The following TRABD2B variants were observed in gnomAD, a reference collection of about 807,000 sequenced individuals.
TRABD2B encodes metalloprotease TIKI2.
A neutral mutation model predicts 40.1 loss-of-function variants in TRABD2B; 14 were observed. That is an observed-to-expected ratio of 0.35 (90% CI 0.23 to 0.55). TRABD2B has a LOEUF of 0.55. Among genes scored for constraint, TRABD2B ranks in the 20% least tolerant of loss-of-function variants. The pLI is 0.90. For synonymous variants in TRABD2B, 263 were observed against 277.0 expected (o/e 0.95, Z 0.50); for missense variants, 541 against 648.6 (o/e 0.83, Z 1.80).
intron 2 of TRABD2B, among the ~76,000 whole-genome samples, chr1:47,804,305 A>C (rs1199690983): frequency 6.6e-6 from 1 of 152,252 alleles, no homozygotes; most frequent in African/African-American, 2.4e-5. Context: ...GATGGATCAC[A>C]GGAGGCAGTG....
chr1:47,843,580 C>T (rs576536510), intron 2 of TRABD2B, among the ~76,000 whole-genome samples: 27 of 152,050 alleles, frequency 1.8e-4, no homozygotes, highest in Non-Finnish European at 3.5e-4. Context: ...TGGAGTTATA[C>T]ATTTGGGAGA....
chr1:47,840,511 A>G (rs1645381956), intron 2 of TRABD2B, among the ~76,000 whole-genome samples: 1 of 152,314 alleles, frequency 6.6e-6, no homozygotes, highest in Non-Finnish European at 1.5e-5. Context: ...GGTCCACAGC[A>G]TTCTTTAGAG....
chr1:47,961,276 C>T (rs1377561694), intron 2 of TRABD2B, among the ~76,000 whole-genome samples: 1 of 152,196 alleles, frequency 6.6e-6, no homozygotes, highest in Non-Finnish European at 1.5e-5. Context: ...AAAACCTACG[C>T]AATACCATTC....
At chr1:47,854,420 C>T (rs144030379) in intron 2 of TRABD2B, among the ~76,000 whole-genome samples, 8 of 152,220 alleles carry the variant, frequency 5.3e-5, no homozygotes, top group East Asian at 1.9e-4. Context: ...ATGCTTCAGG[C>T]GTCTGAATTA....
At chr1:47,768,079 C>T (rs3850881) in intron 6 of TRABD2B, among the ~76,000 whole-genome samples, 82,178 of 152,056 alleles carry the variant, frequency 0.54, 22,669 homozygotes, top group East Asian at 0.84. Flanking sequence ...CCTGGCTTGA[C>T]GTATGTCATT....
At chr1:47,821,766 G>GCCCTGGAAT (rs1271704131) in intron 2 of TRABD2B, among the ~76,000 whole-genome samples, 1 of 152,120 alleles carries the variant, frequency 6.6e-6, no homozygotes, top group Non-Finnish European at 1.5e-5. Flanking sequence ...ACCAGTGTCA[G>GCCCTGGAAT]CCAGTCCTTC....
At chr1:47,877,255 G>C (rs1391892486) in intron 2 of TRABD2B, among the ~76,000 whole-genome samples, 1 of 152,014 alleles carries the variant, frequency 6.6e-6, no homozygotes, top group Non-Finnish European at 1.5e-5. Context: ...AGCCTGTTAA[G>C]GCTGTTGGGA....
intron 2 of TRABD2B, among the ~76,000 whole-genome samples, chr1:47,866,801 G>A (rs531257122): frequency 6.6e-6 from 1 of 152,272 alleles, no homozygotes; most frequent in East Asian, 1.9e-4. Flanking sequence ...GTCCAAGCCT[G>A]TTATTCCCTG....
chr1:47,806,623 C>T (rs1006671395), intron 2 of TRABD2B, among the ~76,000 whole-genome samples: 3 of 152,206 alleles, frequency 2.0e-5, no homozygotes, highest in Admixed American at 6.5e-5. Flanking sequence ...ACTCCCCTCA[C>T]CAACGCTGGC....
At chr1:47,846,683 G>A (rs751445308) in intron 2 of TRABD2B, among the ~76,000 whole-genome samples, 10 of 152,166 alleles carry the variant, frequency 6.6e-5, no homozygotes, top group Admixed American at 2.6e-4. Flanking sequence ...ACTGAGTCCT[G>A]TAGACGAAAC....
intron 2 of TRABD2B, among the ~76,000 whole-genome samples, chr1:47,945,668 T>A (rs1040217503): frequency 6.6e-6 from 1 of 152,244 alleles, no homozygotes; most frequent in Non-Finnish European, 1.5e-5. Context: ...TGAATCATTT[T>A]TCGGTCTGAC....
chr1:47,831,910 A>T (rs1178935842), intron 2 of TRABD2B, among the ~76,000 whole-genome samples: 5 of 152,146 alleles, frequency 3.3e-5, no homozygotes, highest in Non-Finnish European at 7.4e-5. Context: ...TATTTACTGA[A>T]CACCTACTGT....
At chr1:47,964,074 C>A (rs1243792811) in intron 2 of TRABD2B, among the ~76,000 whole-genome samples, 1 of 152,180 alleles carries the variant, frequency 6.6e-6, no homozygotes, top group East Asian at 1.9e-4. Context: ...CCTACATTCC[C>A]CCTGCTTAAA....
intron 4 of TRABD2B, among the ~76,000 whole-genome samples, chr1:47,794,259 G>A (rs1451449665): frequency 6.6e-6 from 1 of 152,168 alleles, no homozygotes; most frequent in Non-Finnish European, 1.5e-5. Flanking sequence ...TGGCTCTGTG[G>A]GTGGGCCTGA....
chr1:47,939,059 G>C (rs1188343700), intron 2 of TRABD2B, among the ~76,000 whole-genome samples: 1 of 152,104 alleles, frequency 6.6e-6, no homozygotes, highest in Non-Finnish European at 1.5e-5. Context: ...TAGGGTGCCT[G>C]GGATAACGGT....
intron 4 of TRABD2B, among the ~76,000 whole-genome samples, chr1:47,783,375 T>C (rs1644552297): frequency 1.3e-5 from 2 of 150,946 alleles, no homozygotes; most frequent in Admixed American, 6.6e-5. Context: ...AACTCAGAAA[T>C]GAAGACAAAA....
chr1:47,917,857 G>A (rs1644850565), intron 2 of TRABD2B, among the ~76,000 whole-genome samples: 1 of 152,222 alleles, frequency 6.6e-6, no homozygotes, highest in South Asian at 2.1e-4. Context: ...CCGCAGGCGT[G>A]TGCTGCTGGG....
intron 2 of TRABD2B, among the ~76,000 whole-genome samples, chr1:47,903,698 C>T (rs1031745191): frequency 2.6e-5 from 4 of 152,272 alleles, no homozygotes; most frequent in African/African-American, 9.6e-5. Flanking sequence ...AGTTCTGAAC[C>T]CAGATTGCAG....
At chr1:47,954,117 G>A (rs191075142) in intron 2 of TRABD2B, among the ~76,000 whole-genome samples, 9 of 152,236 alleles carry the variant, frequency 5.9e-5, no homozygotes, top group African/African-American at 2.2e-4. Flanking sequence ...GGAAAGGCCA[G>A]TGAGGGTCAC....
Sources: gnomAD v4.1 joint callset for allele counts (sites outside exome capture counted in the v4.1 genomes callset) on GRCh38, gnomAD v4.1.1 for gene constraint, MANE v1.5 for transcripts, NCBI Gene and HGNC (gene_info 2026-07-23, HGNC 2026-07-21) for gene names.